The following MYH13 variants were observed in gnomAD, a reference collection of about 807,000 sequenced individuals.
MYH13 encodes myosin-13.
MYH13 carries 177 observed loss-of-function variants against 232.1 expected under a neutral mutation model. The ratio of observed to expected loss-of-function variants is 0.76; its 90% confidence interval spans 0.67 to 0.86. The LOEUF (loss-of-function observed/expected upper bound fraction) is 0.86. Among genes scored for constraint, MYH13 ranks in the 40% least tolerant of loss-of-function variants. The pLI, the probability that MYH13 is intolerant of heterozygous loss-of-function variation, is 0.00. For synonymous variants in MYH13, 884 were observed against 923.5 expected (o/e 0.96, Z 0.78); for missense variants, 2,246 against 2,405.9 (o/e 0.93, Z 1.39).
intron 11 of MYH13, among the ~76,000 whole-genome samples, chr17:10,354,312 A>G (rs979167335): frequency 1.3e-5 from 2 of 152,176 alleles, no homozygotes; most frequent in Non-Finnish European, 2.9e-5. Context: ...TCTGCTTTAT[A>G]CATTTTTATA....
chr17:10,352,667 T>C lies in MYH13; in HGVS notation c.1006-1973A>G, dbSNP rs183814048. On this transcript the variant is annotated intron_variant, in intron 11 of 40. Transcript: ENST00000252172. ...CAGCCGCATCTGGCAGAAGGCATCT[T>C]GGTGAGGACATGACTTAGGTAAGGT... is the stretch of plus-strand genomic sequence containing the variant. 4.3e-3 allele frequency among the ~76,000 whole-genome samples: 649 copies of C among 152,188 alleles called. 11 individuals are homozygous for C. The highest frequency in any genetic ancestry group is 0.015 in the African/African-American group (629 of 41,526).
In MYH13 at chr17:10,344,840, AAAG is replaced by A. The variant is rs202061056; in HGVS notation, c.1584+359_1584+361del. On this transcript the variant is annotated intron_variant, in intron 15 of 40. Transcript: ENST00000252172. ...CGTCTCAAAAAAAAAAAAAAAAAAA[AAAG>A]TTAATATCTATTCCTGTTTTCATAT... Among the ~76,000 whole-genome samples the A allele has an allele frequency of 6.0e-3, 901 of 149,914 alleles. 13 individuals carry two copies. Among genetic ancestry groups the A allele is most frequent in the East Asian group, 0.036 (181 of 4,986 alleles).
chr17:10,354,587 G>C (rs1307976813), intron 11 of MYH13, 93 bp downstream of exon 11: 1 of 1,180,918 alleles, frequency 8.5e-7, no homozygotes, highest in Non-Finnish European at 1.2e-6. Context: ...AGTATCCCTG[G>C]ATTTCAGCTT....
At chr17:10,341,056 G>A (rs1023090701) in intron 16 of MYH13, 2 of 145,110 alleles carry the variant, frequency 1.4e-5, no homozygotes, top group Non-Finnish European at 3.0e-5. Flanking sequence ...TTGTTTGTTT[G>A]TTTTAAGATG....
chr17:10,354,418 A>C (rs537859099), intron 11 of MYH13, among the ~76,000 whole-genome samples: 1 of 152,338 alleles, frequency 6.6e-6, no homozygotes, highest in South Asian at 2.1e-4. Context: ...GCAAAAATGC[A>C]TTCCAGTTAA....
chr17:10,355,134 C>G lies in MYH13; in HGVS notation c.752G>C (p.Arg251Pro), dbSNP rs533758694. The G allele has an allele frequency of 1.3e-6, 2 of 1,579,866 alleles. No individual in the cohort carries two copies. The highest frequency in any genetic ancestry group is 2.3e-5 in the East Asian group (1 of 43,528). The change falls in exon 9 of 41, where the codon CGG (arginine) becomes CCG (proline). Residue 251 changes from arginine to proline, a missense_variant. Physicochemically the swap from Arg to Pro is moderately radical, Grantham distance 103. Transcript: ENST00000252172. Reference protein sequence around the residue: ...DNSSRFGKFIRIHFGATGKLA... With the variant: ...DNSSRFGKFIPIHFGATGKLA... Reference sequence around the variant, plus strand: ...CTTTCCTGTGGCTCCAAAATGAATCCGAATGAACTTCCCCTGTCCAATAAC... The same window carrying G: ...CTTTCCTGTGGCTCCAAAATGAATCGGAATGAACTTCCCCTGTCCAATAAC...
intron 1 of MYH13, among the ~76,000 whole-genome samples, chr17:10,372,267 A>G (rs1369955877): frequency 6.6e-6 from 1 of 152,128 alleles, no homozygotes; most frequent in African/African-American, 2.4e-5. Flanking sequence ...AGCTGGTATG[A>G]TTTCTTTGGG....
intron 11 of MYH13, among the ~76,000 whole-genome samples, chr17:10,352,008 G>A (rs1252645675): frequency 2.0e-5 from 3 of 152,162 alleles, no homozygotes; most frequent in Non-Finnish European, 4.4e-5. Flanking sequence ...ATATGGGGAG[G>A]AGAGATTCCG....
Position 10,345,359 on chromosome 17 carries a change from T to C in MYH13, c.1427A>G (p.Glu476Gly), listed in dbSNP as rs1567668294. ...GFEIFDFNSL[E>G]QLCINFTNEK... ...ATTGGTGAAGTTGATGCACAGCTGC[T>C]CCAGGCTGTTGAACTGGGTGATTCA... The change falls in exon 15 of 41, where the codon GAG (glutamate) becomes GGG (glycine). Residue 476 changes from glutamate (E) to glycine (G), a missense_variant. Physicochemically the swap from Glu to Gly is moderately conservative, Grantham distance 98 (BLOSUM62 -2). Coordinates refer to ENST00000252172, the MANE Select transcript of MYH13 (RefSeq NM_003802.3). The C allele has an allele frequency of 1.2e-6, 2 of 1,614,182 alleles. No individual in the cohort carries two copies. The highest frequency in any genetic ancestry group is 1.7e-6 in the Non-Finnish European group (2 of 1,180,042).
intron 21 of MYH13, 62 bp downstream of exon 21, chr17:10,330,324 GA>G: frequency 6.3e-7 from 1 of 1,590,626 alleles, no homozygotes; most frequent in Non-Finnish European, 8.6e-7. Flanking sequence ...CTAAAAGCAG[GA>G]AGTGACAATC....
Position 10,360,055 on chromosome 17 carries a change from C to G in MYH13, c.550G>C (p.Gly184Arg), listed in dbSNP as rs2071779969. ...SILITGESGA[G>R]KTVNTKRVIQ... ...ACACGCTTGGTGTTCACAGTCTTCC[C>G]AGCCCCGGATTCTCCGCTGCCAATT... is the stretch of plus-strand genomic sequence containing the variant. Residue 184 changes from glycine to arginine, a missense_variant, in exon 7 of 41, where the codon GGG becomes CGG. By Grantham distance (125) the Gly-to-Arg change is moderately radical (BLOSUM62 -2). Coordinates refer to ENST00000252172, the MANE Select transcript of MYH13 (RefSeq NM_003802.3). The G allele has an allele frequency of 6.2e-7, 1 of 1,613,962 alleles. No individual in the cohort carries two copies. The highest frequency in any genetic ancestry group is 1.3e-5 in the African/African-American group (1 of 74,864).
At chr17:10,369,259 A>T (rs2071861365) in intron 2 of MYH13, among the ~76,000 whole-genome samples, 1 of 152,346 alleles carries the variant, frequency 6.6e-6, no homozygotes, top group African/African-American at 2.4e-5. Flanking sequence ...TAAAAAAATC[A>T]GAATTGATGG....
At chr17:10,350,210 T>C (rs989505359) in intron 12 of MYH13, among the ~76,000 whole-genome samples, 2 of 152,112 alleles carry the variant, frequency 1.3e-5, no homozygotes, top group Admixed American at 6.6e-5. Flanking sequence ...TAATTAAGAC[T>C]GCATTCTGGT....
intron 21 of MYH13, among the ~76,000 whole-genome samples, chr17:10,329,953 T>C (rs1438800797): frequency 6.6e-6 from 1 of 151,648 alleles, no homozygotes; most frequent in Non-Finnish European, 1.5e-5. Context: ...TGAGCCGAGA[T>C]TGTGCCACTG....
At chr17:10,344,543 C>T (rs536704844) in intron 15 of MYH13, among the ~76,000 whole-genome samples, 3 of 151,866 alleles carry the variant, frequency 2.0e-5, no homozygotes, top group South Asian at 2.1e-4. Context: ...GTCGGCCGGG[C>T]GTGGTGGTTC....
At position 10,321,638 on chromosome 17, in the gene MYH13, G is replaced by T; in HGVS notation, c.3005C>A (p.Ser1002Tyr). 6.2e-7 allele frequency: 1 copy of T among 1,613,618 alleles called. No homozygotes were observed. The highest frequency in any genetic ancestry group is 1.3e-5 in the African/African-American group (1 of 75,030). ...NISKLTKEKK[S>Y]LQEAHQQTLD... ...TGTTTGCTGATGGGCCTCCTGTAGA[G>T]ATTTCTTTTCTTTGGTCAATTTGGA... The change falls in exon 24 of 41, where the codon TCT becomes TAT. Residue 1002 changes from serine to tyrosine, a missense_variant. Physicochemically the swap from Ser to Tyr is moderately radical, Grantham distance 144. Transcript: ENST00000252172.
At position 10,324,187 on chromosome 17, in the gene MYH13, G is replaced by A. The variant is rs895316010; in HGVS notation, c.2769C>T (p.Val923=). The part of the protein sequence containing the change: ...IKSKILLEAK[V]KELTERLEEE... ...CTTCCAATCTCTCCGTCAGCTCCTT[G>A]ACTTTTGCTTCCAGTAGGATCTTGC... is the stretch of plus-strand genomic sequence containing the variant. The change falls in exon 23 of 41, where the codon GTC becomes GTT. Residue 923 remains valine, a synonymous_variant. Coordinates refer to ENST00000252172, the MANE Select transcript of MYH13 (RefSeq NM_003802.3). The A allele has an allele frequency of 3.1e-6, 5 of 1,613,848 alleles. No homozygotes were observed. In the African/African-American group the frequency reaches 6.7e-5, roughly 22 times the overall value.
chr17:10,358,818 G>C (rs1253021439), intron 7 of MYH13, among the ~76,000 whole-genome samples: 1 of 152,170 alleles, frequency 6.6e-6, no homozygotes. Flanking sequence ...TACACAATCA[G>C]GAATTCTGGG....
rs1466522792 is a variant in MYH13 at position 10,345,455 on chromosome 17, G to A, written c.1413+12C>T. 1.2e-6 allele frequency: 2 copies of A among 1,614,188 alleles called. No homozygotes were observed. Among genetic ancestry groups the A allele is most frequent in the South Asian group, 1.1e-5 (1 of 91,086 alleles). On this transcript the variant is annotated intron_variant, in intron 14 of 40. Transcript: ENST00000252172. Reference sequence around the variant, plus strand: ...AGCAAAGCAGACAAGAAAGTAGAAGGTCACAACTCACATCAAAGATCTCAA... The same window carrying A: ...AGCAAAGCAGACAAGAAAGTAGAAGATCACAACTCACATCAAAGATCTCAA...
Sources: gnomAD v4.1 joint callset for allele counts (sites outside exome capture counted in the v4.1 genomes callset) on GRCh38, gnomAD v4.1.1 for gene constraint, MANE v1.5 for transcripts, NCBI Gene and HGNC (gene_info 2026-07-23, HGNC 2026-07-21) for gene names.